TTC23L: variants seen among roughly 807,000 people sequenced by gnomAD.
TTC23L encodes tetratricopeptide repeat domain 23 like.
A neutral mutation model predicts 48.1 loss-of-function variants in TTC23L; 42 were observed. The observed-to-expected ratio is 0.87, with a 90% CI of 0.68 to 1.13. The LOEUF is 1.13. Among genes scored for constraint, TTC23L ranks in the 50% most tolerant of loss-of-function variants. The pLI, the probability that TTC23L is intolerant of heterozygous loss-of-function variation, is 0.00. For missense variants in TTC23L, 391 were observed against 421.0 expected (o/e 0.93, Z 0.62); for synonymous variants, 159 against 157.2 (o/e 1.01, Z -0.09).
At chr5:34,899,488 C>A (rs981155487), downstream of TTC23L, 2 of 152,652 alleles carry the variant, frequency 1.3e-5, no homozygotes, top group African/African-American at 4.8e-5. Flanking sequence ...TGTTTCTCAA[C>A]ACTGATAGCA....
chr5:34,882,290 C>T (rs1762269671), intron 9 of TTC23L, among the ~76,000 whole-genome samples: 1 of 152,116 alleles, frequency 6.6e-6, no homozygotes, highest in African/African-American at 2.4e-5. Flanking sequence ...GACAAAGCCA[C>T]CAAAGGACCT....
the TTC23L span, chr5:34,915,879 C>T: frequency 6.4e-7 from 1 of 1,557,842 alleles, no homozygotes; most frequent in Non-Finnish European, 8.7e-7. Context: ...GGGACCGGAT[C>T]CCAGGCCCCG....
chr5:34,859,416 T>G (rs1366520676), intron 4 of TTC23L, among the ~76,000 whole-genome samples: 1 of 152,202 alleles, frequency 6.6e-6, no homozygotes, highest in Admixed American at 6.5e-5. Flanking sequence ...ATAACAGATC[T>G]AATTCCCCCT....
the TTC23L span, among the ~76,000 whole-genome samples, chr5:34,917,405 G>T: frequency 6.6e-6 from 1 of 151,888 alleles, no homozygotes; most frequent in African/African-American, 2.4e-5. Flanking sequence ...AGGCCGAGGC[G>T]GGTGGATCAC....
rs777447657 is a variant in TTC23L at position 34,879,185 on chromosome 5, T to A, written c.950-996T>A. On this transcript the variant is annotated intron_variant, in intron 8 of 10. Transcript: ENST00000505624. ...TGCAGTGTTAGATAATGGAGACTCA[T>A]AAGGGTGTGATGTGGGGTGGATGAT... Among the ~76,000 whole-genome samples, 59 of 152,294 alleles carry A rather than the reference T, an allele frequency of 3.9e-4. No individual in the cohort carries two copies. In the Middle Eastern group the frequency reaches 0.02, roughly 53 times the overall value.
intron 10 of TTC23L, among the ~76,000 whole-genome samples, chr5:34,897,647 T>C (rs1763317305): frequency 6.6e-6 from 1 of 152,178 alleles, no homozygotes; most frequent in Admixed American, 6.5e-5. Flanking sequence ...TTAGAAACCA[T>C]TGTATTTTAC....
the TTC23L span, chr5:34,924,727 C>A: frequency 1.7e-6 from 1 of 594,636 alleles, no homozygotes; most frequent in Non-Finnish European, 2.9e-6. Context: ...AAGTTTCACC[C>A]CCACCTTGAT....
intron 4 of TTC23L, among the ~76,000 whole-genome samples, chr5:34,854,739 C>T (rs1255309408): frequency 6.6e-6 from 1 of 152,196 alleles, no homozygotes; most frequent in Non-Finnish European, 1.5e-5. Flanking sequence ...AATAAACAGT[C>T]ATTCAGTGAG....
At chr5:34,888,595 G>A (rs903138363) in intron 9 of TTC23L, 56 of 867,860 alleles carry the variant, frequency 6.5e-5, no homozygotes, top group Non-Finnish European at 7.7e-5. Context: ...GCATGGCATG[G>A]CCTCTCCCAG....
At chr5:34,850,516 T>C (rs1243102952) in intron 4 of TTC23L, among the ~76,000 whole-genome samples, 1 of 152,204 alleles carries the variant, frequency 6.6e-6, no homozygotes, top group African/African-American at 2.4e-5. Flanking sequence ...TTATTGAGTA[T>C]TTAGCATGTG....
chr5:34,886,382 A>AAAAC (rs1762546269), intron 9 of TTC23L, among the ~76,000 whole-genome samples: 2 of 151,136 alleles, frequency 1.3e-5, no homozygotes, highest in East Asian at 3.9e-4. Flanking sequence ...AAAAAAAAAA[A>AAAAC]ACGTTTTATC....
At chr5:34,920,152 T>C in the TTC23L span, 53,941 of 225,304 alleles carry the variant, frequency 0.24, 7,353 homozygotes, top group East Asian at 0.37. Flanking sequence ...TGTCTAGTAT[T>C]ATGCTAAATC....
chr5:34,839,561 T>C lies in TTC23L; in HGVS notation c.-8+302T>C, dbSNP rs371035108. ...CGGGAGTTTGAGAGATCAGAACTCT[T>C]TGCTGTGGGCATAGTGTTTAAAGTG... On this transcript the variant is annotated intron_variant, in intron 1 of 10. Transcript: ENST00000505624. 5.4e-5 allele frequency: 48 copies of C among 890,338 alleles called. 1 individual carries two copies. The South Asian group carries it at 2.3e-3, about 43-fold the overall frequency. 55.2% of individuals were successfully genotyped at this position (890,338 alleles called of 1,614,324 possible).
intron 9 of TTC23L, among the ~76,000 whole-genome samples, chr5:34,885,070 A>G (rs1762464192): frequency 1.4e-5 from 2 of 139,236 alleles, no homozygotes; most frequent in South Asian, 4.3e-4. Flanking sequence ...GGGAAGGCAA[A>G]TGAGTACAAG....
Position 34,845,731 on chromosome 5 carries a change from A to C in TTC23L, c.255+58A>C, listed in dbSNP as rs1448519500. On this transcript the variant is annotated intron_variant, in intron 3 of 10. Transcript: ENST00000505624. ...CATTTAAAAATATGTTCCTGTTTAG[A>C]GAAGCTTTGCCTTCGATGCAGATTG... 3 of 1,500,830 alleles carry C rather than the reference A, an allele frequency of 2.0e-6. No individual in the cohort carries two copies. The East Asian group carries it at 7.0e-5, about 35-fold the overall frequency. 93.0% of individuals were successfully genotyped at this position (1,500,830 alleles called of 1,614,324 possible).
the TTC23L span, among the ~76,000 whole-genome samples, chr5:34,904,792 T>C: frequency 6.6e-6 from 1 of 152,106 alleles, no homozygotes. Context: ...CAAGACCATT[T>C]TGGAATCAAG....
the TTC23L span, chr5:34,913,345 T>C: frequency 2.0e-6 from 1 of 491,494 alleles, no homozygotes. Flanking sequence ...AACCCATGAC[T>C]GTGGCCACTG....
chr5:34,875,668 C>G (rs1561145480), intron 8 of TTC23L, among the ~76,000 whole-genome samples: 1 of 152,158 alleles, frequency 6.6e-6, no homozygotes. Context: ...ACTTTGCATC[C>G]TTCAGTCCAG....
chr5:34,918,746 TCTGAAGGTC>T, the TTC23L span: 1 of 275,238 alleles, frequency 3.6e-6, no homozygotes, highest in East Asian at 7.0e-5. Flanking sequence ...CTGTAATGCT[TCTGAAGGTC>T]CTGAGATAGG....
Sources: gnomAD v4.1 joint callset for allele counts (sites outside exome capture counted in the v4.1 genomes callset) on GRCh38, gnomAD v4.1.1 for gene constraint, MANE v1.5 for transcripts, NCBI Gene and HGNC (gene_info 2026-07-23, HGNC 2026-07-21) for gene names.